Variants in AACS observed in about 807,000 individuals in gnomAD.
AACS encodes acetoacetate-CoA ligase.
A neutral mutation model predicts 83.1 loss-of-function variants in AACS; 69 were observed. That is an observed-to-expected ratio of 0.83 (90% CI 0.68 to 1.01). The LOEUF is 1.01. AACS is among the 50% of genes least tolerant of loss of function. The pLI is 0.00. For missense variants in AACS, 866 were observed against 882.2 expected, an observed-to-expected ratio of 0.98 and a Z score of 0.23; for synonymous variants, 333 against 343.4, an observed-to-expected ratio of 0.97 and a Z score of 0.33.
rs771169300 is a variant in AACS, at chr12:125,142,225, T to G, written c.2015T>G (p.Phe672Cys). The G allele has an allele frequency of 6.2e-7, 1 of 1,613,780 alleles. No individual in the cohort carries two copies. Among genetic ancestry groups the G allele is most frequent in the Non-Finnish European group, 8.5e-7 (1 of 1,179,774 alleles). The change falls in exon 18 of 18, where the codon TTC becomes TGC. Residue 672 changes from phenylalanine (F) to cysteine (C), a missense_variant. By Grantham distance (205) the Phe-to-Cys change is radical. Coordinates refer to ENST00000316519, the MANE Select transcript of AACS (RefSeq NM_023928.5). The part of the protein sequence containing the change: ...LYRDIPELQG[F>C] ...CGGGACATCCCTGAGCTGCAGGGCT[T>G]CTGAGTCAGACTGGCTGGCGTGTCA...
At chr12:125,074,960 G>C (rs886796004) in intron 2 of AACS, among the ~76,000 whole-genome samples, 3 of 149,300 alleles carry the variant, frequency 2.0e-5, no homozygotes, top group African/African-American at 7.4e-5. Context: ...CACCATGCCT[G>C]GCCACATTGT....
At chr12:125,136,329 C>T (rs1298055544) in intron 16 of AACS, 4 of 309,100 alleles carry the variant, frequency 1.3e-5, no homozygotes, top group African/African-American at 2.2e-5. Flanking sequence ...GGATTATAGG[C>T]GTGAGCCACC....
At chr12:125,141,551 GC>G (rs1311046930) in intron 17 of AACS, 1 of 152,736 alleles carries the variant, frequency 6.5e-6, no homozygotes, top group Non-Finnish European at 1.5e-5. Flanking sequence ...CAAAAAATTA[GC>G]TGGGCGTGGT....
chr12:125,138,081 C>A (rs1024668989), intron 17 of AACS, among the ~76,000 whole-genome samples: 5 of 152,324 alleles, frequency 3.3e-5, no homozygotes, highest in African/African-American at 1.2e-4. Context: ...GCGCTTGCAG[C>A]ACGACAACGG....
intron 1 of AACS, among the ~76,000 whole-genome samples, chr12:125,073,219 C>T (rs750450698): frequency 3.9e-5 from 6 of 152,296 alleles, no homozygotes; most frequent in East Asian, 3.9e-4. Context: ...TGAGCCACCG[C>T]GTCTGGCCTC....
At chr12:125,076,445 CGTA>C in intron 2 of AACS, 43 bp from the exon 3 acceptor site, 1 of 1,603,736 alleles carries the variant, frequency 6.2e-7, no homozygotes, top group Non-Finnish European at 8.5e-7. Context: ...TGATCTGTAG[CGTA>C]GTCTCATGTG....
At position 125,128,211 on chromosome 12, in the gene AACS, G is replaced by A. The variant is rs1593003670; in HGVS notation, c.1360G>A (p.Val454Met). 2 of 1,612,912 alleles carry A rather than the reference G, an allele frequency of 1.2e-6. No individual in the cohort carries two copies. The highest frequency in any genetic ancestry group is 1.7e-6 in the Non-Finnish European group (2 of 1,179,136). Residue 454 changes from valine (V) to methionine (M), a missense_variant, in exon 13 of 18, where the codon GTG (valine) becomes ATG (methionine). Transcript: ENST00000316519. ...CFMGHNFSLP[V>M]YKGEIQARNL... ...CATGGGCCACAATTTTTCTCTTCCT[G>A]TGTATAAAGGGGAGATTCAGGCCCG... is the stretch of plus-strand genomic sequence containing the variant.
chr12:125,115,206 C>G (rs1392509357), intron 9 of AACS, among the ~76,000 whole-genome samples: 1 of 151,764 alleles, frequency 6.6e-6, no homozygotes, highest in African/African-American at 2.4e-5. Flanking sequence ...CTCAAAACAT[C>G]AAGAGCTTCC....
chr12:125,093,888 G>T (rs1307012212), intron 5 of AACS, among the ~76,000 whole-genome samples: 2 of 152,212 alleles, frequency 1.3e-5, no homozygotes, highest in Non-Finnish European at 2.9e-5. Flanking sequence ...GCATTTGGTG[G>T]CTTCGTGGCA....
At position 125,124,912 on chromosome 12, in the gene AACS, C is replaced by G. The variant is rs746544507; in HGVS notation, c.1197C>G (p.His399Gln). Reference protein sequence around the residue: ...EEKAMKPVETHSLQMLHTILS... With the variant: ...EEKAMKPVETQSLQMLHTILS... ...GACTCTGCACCCCAGTGGAAACCCA[C>G]AGTCTCCAGATGCTCCACACGATCC... The change falls in exon 12 of 18, where the codon CAC becomes CAG. Residue 399 changes from histidine to glutamine, a missense_variant. Transcript: ENST00000316519. 37 of 1,614,102 alleles carry G rather than the reference C, an allele frequency of 2.3e-5. 2 individuals carry two copies. The South Asian group carries it at 4.0e-4, about 17-fold the overall frequency.
chr12:125,085,464 CGT>C (rs1306187380), intron 3 of AACS, among the ~76,000 whole-genome samples: 1 of 151,972 alleles, frequency 6.6e-6, no homozygotes, highest in African/African-American at 2.4e-5. Flanking sequence ...GTTGCATCCA[CGT>C]GTGTTTCGTG....
At chr12:125,068,818 G>A (rs1416501117) in intron 1 of AACS, among the ~76,000 whole-genome samples, 3 of 148,944 alleles carry the variant, frequency 2.0e-5, no homozygotes, top group African/African-American at 4.9e-5. Flanking sequence ...ATTCTGCCCT[G>A]CCTTTTTGTG....
intron 3 of AACS, among the ~76,000 whole-genome samples, chr12:125,085,697 A>G (rs1253360078): frequency 1.3e-5 from 2 of 151,912 alleles, no homozygotes; most frequent in Non-Finnish European, 2.9e-5. Flanking sequence ...GGTGAGGGGG[A>G]CATGGGACCT....
chr12:125,132,913 GTGGAGAAGTGC>G (rs932867584), intron 14 of AACS, among the ~76,000 whole-genome samples: 6 of 152,242 alleles, frequency 3.9e-5, no homozygotes, highest in South Asian at 4.1e-4. Flanking sequence ...TTGCCACAGA[GTGGAGAAGTGC>G]TGGAGAAGTG....
At position 125,143,027 on chromosome 12, in the gene AACS, A is replaced by G. The variant is rs1384084274; in HGVS notation, c.*798A>G. On this transcript the variant is annotated 3_prime_UTR_variant, in exon 18 of 18. Transcript: ENST00000316519. Reference sequence around the variant, plus strand: ...CGAGTGAGGACCCTCCTCACCAGGAACCGCATCCCTGTGCTGCCTCCACCT... The same window carrying G: ...CGAGTGAGGACCCTCCTCACCAGGAGCCGCATCCCTGTGCTGCCTCCACCT... The G allele has an allele frequency of 6.6e-6, 1 of 152,160 alleles. No individual in the cohort carries two copies. The highest frequency in any genetic ancestry group is 2.4e-5 in the African/African-American group (1 of 41,422). The allele number at this position is 152,160 out of a possible 1,614,324, so 9.4% of individuals were successfully genotyped here.
intron 2 of AACS, among the ~76,000 whole-genome samples, chr12:125,074,274 G>A (rs557972837): frequency 1.6e-4 from 25 of 152,246 alleles, no homozygotes; most frequent in Non-Finnish European, 2.8e-4. Flanking sequence ...ATTTGGGGCT[G>A]GGTGCAGTGG....
rs573761207 is a variant in AACS, at chr12:125,085,414, C to G, written c.359-916C>G. Among the ~76,000 whole-genome samples, 92 of 140,432 alleles carry G rather than the reference C, an allele frequency of 6.6e-4. No individual in the cohort carries two copies. The East Asian group carries it at 7.4e-3, about 11-fold the overall frequency. The allele number at this position is 140,432 out of a possible 152,430, so 92.1% of individuals were successfully genotyped here. A position where few individuals can be genotyped will look rare whatever the true frequency, so the allele number is the denominator to read the frequency against. ...GTTTCGTGGAACCACACACGTGCACCTTGCATCCACGTCTGTTTCATGGAA... is the reference window on the plus strand; with the variant it reads ...GTTTCGTGGAACCACACACGTGCACGTTGCATCCACGTCTGTTTCATGGAA... On this transcript the variant is annotated intron_variant, in intron 3 of 17. Transcript: ENST00000316519.
intron 4 of AACS, 22 bp downstream of exon 4, chr12:125,086,465 G>A (rs1260121218): frequency 1.2e-6 from 2 of 1,611,362 alleles, no homozygotes; most frequent in Admixed American, 1.7e-5. Context: ...GGGTGCTGGT[G>A]ATGGTTTGAG....
Position 125,073,889 on chromosome 12 carries a change from C to T in AACS, c.147C>T (p.Asp49=). The change falls in exon 2 of 18, where the codon GAC becomes GAT. Residue 49 remains aspartate (D), a synonymous_variant. Transcript: ENST00000316519. Reference sequence around the variant, plus strand: ...TTTCATTTTTAGAGAGTTATGATGACTTGTACCATTGGTCCGTTGAGTCAT... The same window carrying T: ...TTTCATTTTTAGAGAGTTATGATGATTTGTACCATTGGTCCGTTGAGTCAT... ...ACGLALESYD[D]LYHWSVESYS... is the part of the protein sequence containing the mutation. The T allele has an allele frequency of 6.2e-7, 1 of 1,613,324 alleles. No homozygotes were observed. Among genetic ancestry groups the T allele is most frequent in the East Asian group, 2.2e-5 (1 of 44,876 alleles).
Sources: allele counts gnomAD v4.1 joint callset (sites outside exome capture counted in the v4.1 genomes callset), GRCh38; gene constraint gnomAD v4.1.1; transcripts MANE v1.5; gene names NCBI Gene and HGNC (gene_info 2026-07-23, HGNC 2026-07-21).